The following FYB2 variants were observed in gnomAD, a reference collection of about 807,000 sequenced individuals.
The protein encoded by FYB2 is FYN-binding protein 2.
A neutral mutation model predicts 94.1 loss-of-function variants in FYB2; 103 were observed. The observed-to-expected ratio is 1.09, with a 90% CI of 0.93 to 1.29. FYB2 has a LOEUF of 1.29. Ranked by LOEUF, FYB2 falls within the 50% of genes most tolerant of loss-of-function variation. The probability of loss-of-function intolerance (pLI) is 0.00; values close to 1 mark genes in which losing one functional copy is unlikely to be tolerated. For missense variants in FYB2, 896 were observed against 841.5 expected, an observed-to-expected ratio of 1.06 and a Z score of -0.80; for synonymous variants, 293 against 287.9, an observed-to-expected ratio of 1.02 and a Z score of -0.18.
intron 15 of FYB2, among the ~76,000 whole-genome samples, chr1:56,733,760 G>A (rs2100556477): frequency 1.3e-5 from 2 of 152,264 alleles, no homozygotes; most frequent in African/African-American, 4.8e-5. Context: ...TAATTTGATT[G>A]TACTGTGGTC....
chr1:56,814,897 T>G (rs1046664342), intron 1 of FYB2, among the ~76,000 whole-genome samples: 8 of 152,158 alleles, frequency 5.3e-5, no homozygotes, highest in South Asian at 2.1e-4. Context: ...CATTTAGACC[T>G]GGGTTCTGTC....
chr1:56,749,538 C>T (rs975054138), intron 9 of FYB2, among the ~76,000 whole-genome samples: 5 of 151,788 alleles, frequency 3.3e-5, no homozygotes, highest in African/African-American at 1.2e-4. Context: ...TTTTCCTTTT[C>T]AAATATTTTT....
chr1:56,761,428 A>G (rs1022203505), intron 5 of FYB2, among the ~76,000 whole-genome samples: 5 of 152,166 alleles, frequency 3.3e-5, no homozygotes, highest in African/African-American at 1.2e-4. Flanking sequence ...ATTTTCTTCC[A>G]TCCATGGCTT....
intron 4 of FYB2, among the ~76,000 whole-genome samples, chr1:56,777,239 C>CAAAACAA (rs1645898094): frequency 2.1e-4 from 1 of 4,796 alleles, no homozygotes; most frequent in Non-Finnish European, 2.6e-4. Context: ...GTCTCAAAAA[C>CAAAACAA]AAAAAAAAAA....
chr1:56,823,203 C>T (rs866440422), upstream of FYB2, among the ~76,000 whole-genome samples: 4 of 152,194 alleles, frequency 2.6e-5, no homozygotes, highest in Middle Eastern at 6.8e-3. Flanking sequence ...GCGGAGAGTA[C>T]AGTTCTGTTT....
chr1:56,773,351 C>G (rs1174117582), intron 4 of FYB2, among the ~76,000 whole-genome samples: 4 of 152,164 alleles, frequency 2.6e-5, no homozygotes, highest in Non-Finnish European at 5.9e-5. Flanking sequence ...GCACCTCATT[C>G]AAACATCTGT....
Position 56,816,480 on chromosome 1 carries a change from A to G in FYB2, c.9+2802T>C, listed in dbSNP as rs544789161. ...TTTATGACACAGTCTCTGAAAGCAC[A>G]GAGTGTCACATGTACCACACTGTAT... On this transcript the variant is annotated intron_variant, in intron 1 of 19. Coordinates refer to ENST00000343433, the MANE Select transcript of FYB2 (RefSeq NM_001004303.5). Among the ~76,000 whole-genome samples, 10 of 152,346 alleles carry G rather than the reference A, an allele frequency of 6.6e-5. No individual in the cohort carries two copies. The South Asian group carries it at 2.1e-3, about 32-fold the overall frequency.
chr1:56,783,344 G>T (rs1309244332), intron 4 of FYB2, among the ~76,000 whole-genome samples: 1 of 152,140 alleles, frequency 6.6e-6, no homozygotes, highest in Non-Finnish European at 1.5e-5. Context: ...ACCTGCACTT[G>T]TTCCTTTATA....
the FYB2 span, among the ~76,000 whole-genome samples, chr1:56,825,392 C>A: frequency 6.6e-6 from 1 of 152,082 alleles, no homozygotes; most frequent in African/African-American, 2.4e-5. Context: ...TGTGGTCACC[C>A]TGCTCACCTG....
intron 17 of FYB2, among the ~76,000 whole-genome samples, chr1:56,722,116 A>C (rs1052242383): frequency 5.3e-5 from 8 of 152,140 alleles, no homozygotes; most frequent in Non-Finnish European, 1.2e-4. Flanking sequence ...TCTTTTCAAC[A>C]AGTAATTGCC....
intron 1 of FYB2, 104 bp downstream of exon 1, chr1:56,819,178 G>T: frequency 6.6e-7 from 1 of 1,505,606 alleles, no homozygotes. Flanking sequence ...TGCCCAGGAG[G>T]CAGCACACAC....
chr1:56,775,599 C>G (rs1645857571), intron 4 of FYB2, among the ~76,000 whole-genome samples: 1 of 152,204 alleles, frequency 6.6e-6, no homozygotes, highest in South Asian at 2.1e-4. Context: ...GATGCAAGCT[C>G]ACAGAGTAGT....
At chr1:56,793,560 C>G (rs1646324152) in intron 1 of FYB2, among the ~76,000 whole-genome samples, 2 of 151,992 alleles carry the variant, frequency 1.3e-5, no homozygotes, top group South Asian at 4.1e-4. Context: ...AAACAAAAGG[C>G]ACTGGAGACT....
intron 15 of FYB2, among the ~76,000 whole-genome samples, chr1:56,727,412 G>T (rs1160255024): frequency 6.6e-6 from 1 of 151,904 alleles, no homozygotes; most frequent in Non-Finnish European, 1.5e-5. Flanking sequence ...AGTATTATTT[G>T]TAAGGGCCCC....
At chr1:56,788,424 G>A (rs578163943) in intron 3 of FYB2, among the ~76,000 whole-genome samples, 1 of 152,314 alleles carries the variant, frequency 6.6e-6, no homozygotes, top group South Asian at 2.1e-4. Context: ...AGGGATGAGA[G>A]GTGTTCCTTT....
chr1:56,748,392 A>G (rs758314656), intron 9 of FYB2, among the ~76,000 whole-genome samples: 2 of 152,058 alleles, frequency 1.3e-5, no homozygotes, highest in Admixed American at 1.3e-4. Context: ...TTTCCATTTA[A>G]GTCTTTAATC....
intron 4 of FYB2, among the ~76,000 whole-genome samples, chr1:56,780,287 T>C (rs1337870813): frequency 6.6e-6 from 1 of 152,132 alleles, no homozygotes; most frequent in Non-Finnish European, 1.5e-5. Flanking sequence ...CCTTTCATAT[T>C]TTAGCTCCAC....
At chr1:56,777,524 A>G (rs1645908735) in intron 4 of FYB2, among the ~76,000 whole-genome samples, 1 of 152,204 alleles carries the variant, frequency 6.6e-6, no homozygotes, top group African/African-American at 2.4e-5. Flanking sequence ...CAGGGAAATG[A>G]GATACACCCA....
intron 7 of FYB2, among the ~76,000 whole-genome samples, chr1:56,755,327 A>C (rs1331465139): frequency 6.6e-6 from 1 of 152,092 alleles, no homozygotes; most frequent in African/African-American, 2.4e-5. Flanking sequence ...ATACTGTGCA[A>C]ACAGACCTTA....
Sources: allele counts gnomAD v4.1 joint callset (sites outside exome capture counted in the v4.1 genomes callset), GRCh38; gene constraint gnomAD v4.1.1; transcripts MANE v1.5; gene names NCBI Gene and HGNC (gene_info 2026-07-23, HGNC 2026-07-21).